DEPDC1B: variants seen among roughly 807,000 people sequenced by gnomAD.
DEPDC1B encodes the protein DEP domain-containing protein 1B.
DEPDC1B carries 51 observed loss-of-function variants against 66.5 expected under a neutral mutation model. That is an observed-to-expected ratio of 0.77 (90% CI 0.61 to 0.97). The LOEUF (loss-of-function observed/expected upper bound fraction) is 0.97, where lower values mean the gene tolerates loss of function less well. DEPDC1B is among the 50% of genes least tolerant of loss of function. The probability of loss-of-function intolerance (pLI) is 0.00; values close to 1 mark genes in which losing one functional copy is unlikely to be tolerated. For missense variants in DEPDC1B, 552 were observed against 637.1 expected, an observed-to-expected ratio of 0.87 and a Z score of 1.44; for synonymous variants, 226 against 223.6, an observed-to-expected ratio of 1.01 and a Z score of -0.10.
At chr5:60,661,002 G>C (rs988681699) in intron 2 of DEPDC1B, among the ~76,000 whole-genome samples, 5 of 152,186 alleles carry the variant, frequency 3.3e-5, no homozygotes, top group Non-Finnish European at 5.9e-5. Flanking sequence ...CAAGCTGTTT[G>C]CACTCAGCCA....
chr5:60,636,084 G>A (rs1584050800), intron 7 of DEPDC1B, among the ~76,000 whole-genome samples: 3 of 152,212 alleles, frequency 2.0e-5, no homozygotes, highest in Middle Eastern at 3.4e-3. Context: ...TCTAGGTTGG[G>A]TATGGAGTGT....
In DEPDC1B at chr5:60,656,707, C is replaced by T. The variant is rs567574995; in HGVS notation, c.315-9174G>A. On this transcript the variant is annotated intron_variant, in intron 2 of 10. Transcript: ENST00000265036. ...AAGGCAGCAGGAGAGAAAGAGCAAA[C>T]AAGAGCAGAGAAAATTGCCCTATAA... is the stretch of plus-strand genomic sequence containing the variant. Among the ~76,000 whole-genome samples the T allele has an allele frequency of 3.3e-5, 5 of 152,268 alleles. No individual in the cohort carries two copies. The South Asian group carries it at 1.0e-3, about 32-fold the overall frequency.
chr5:60,665,089 A>G (rs898109838), intron 2 of DEPDC1B, among the ~76,000 whole-genome samples: 1 of 152,174 alleles, frequency 6.6e-6, no homozygotes, highest in Non-Finnish European at 1.5e-5. Context: ...GACCCCTAGT[A>G]TGGAGTAATC....
chr5:60,652,264 T>C (rs923662461), intron 2 of DEPDC1B, among the ~76,000 whole-genome samples: 9 of 149,408 alleles, frequency 6.0e-5, no homozygotes, highest in Non-Finnish European at 1.3e-4. Context: ...AGCCCACTGA[T>C]GTCAAAAGAT....
intron 2 of DEPDC1B, among the ~76,000 whole-genome samples, chr5:60,678,060 C>A (rs1754210461): frequency 6.6e-6 from 1 of 152,154 alleles, no homozygotes; most frequent in African/African-American, 2.4e-5. Flanking sequence ...GAGTTTCTTT[C>A]ACTGGAGGTA....
At chr5:60,603,017 T>C (rs1448176367) in intron 9 of DEPDC1B, among the ~76,000 whole-genome samples, 3 of 152,226 alleles carry the variant, frequency 2.0e-5, no homozygotes, top group African/African-American at 7.2e-5. Flanking sequence ...TTAAGTTCTT[T>C]GTGCCTTAGC....
intron 7 of DEPDC1B, among the ~76,000 whole-genome samples, chr5:60,636,627 G>A (rs539030040): frequency 2.0e-5 from 3 of 152,080 alleles, no homozygotes; most frequent in African/African-American, 4.8e-5. Context: ...GGATTGCTAT[G>A]TTAGATACTT....
intron 2 of DEPDC1B, among the ~76,000 whole-genome samples, chr5:60,656,830 C>T (rs1369018259): frequency 1.3e-5 from 2 of 152,164 alleles, no homozygotes; most frequent in African/African-American, 4.8e-5. Flanking sequence ...TCCCTCAACA[C>T]ATGGGGATTG....
At chr5:60,695,980 G>C (rs949082153) in intron 1 of DEPDC1B, among the ~76,000 whole-genome samples, 9 of 152,032 alleles carry the variant, frequency 5.9e-5, no homozygotes, top group African/African-American at 1.9e-4. Context: ...TGTATTTTTA[G>C]TTGAGACGGG....
At chr5:60,619,905 G>A (rs1020310594) in intron 7 of DEPDC1B, among the ~76,000 whole-genome samples, 5 of 152,186 alleles carry the variant, frequency 3.3e-5, no homozygotes, top group African/African-American at 1.2e-4. Context: ...CAAGGCTACA[G>A]TCACCAAAAC....
In DEPDC1B at chr5:60,691,966, T is replaced by C. The variant is rs1158648299; in HGVS notation, c.49-4739A>G. 9.9e-5 allele frequency among the ~76,000 whole-genome samples: 15 copies of C among 152,160 alleles called. No individual in the cohort carries two copies. In the East Asian group the frequency reaches 2.1e-3, roughly 22 times the overall value. On this transcript the variant is annotated intron_variant, in intron 1 of 10. Coordinates refer to ENST00000265036, the MANE Select transcript of DEPDC1B (RefSeq NM_018369.3). ...TCAACAGATAAATGAATAAAGAAAA[T>C]GTGGTATACATATACAATATAATAC...
intron 2 of DEPDC1B, among the ~76,000 whole-genome samples, chr5:60,658,710 A>T (rs1753635849): frequency 6.6e-6 from 1 of 152,210 alleles, no homozygotes; most frequent in Non-Finnish European, 1.5e-5. Flanking sequence ...AGGGGGAGGG[A>T]CAATGATCAG....
chr5:60,663,533 C>A (rs990693229), intron 2 of DEPDC1B, among the ~76,000 whole-genome samples: 6 of 152,184 alleles, frequency 3.9e-5, no homozygotes, highest in Non-Finnish European at 7.3e-5. Flanking sequence ...CTTAAGGATA[C>A]CTTTTTCTGC....
chr5:60,683,870 C>T (rs1362955226), intron 2 of DEPDC1B, among the ~76,000 whole-genome samples: 1 of 151,946 alleles, frequency 6.6e-6, no homozygotes, highest in Non-Finnish European at 1.5e-5. Flanking sequence ...CCTAAGATGC[C>T]ACTAAAAAAT....
chr5:60,662,294 G>A (rs1276930660), intron 2 of DEPDC1B, among the ~76,000 whole-genome samples: 1 of 152,078 alleles, frequency 6.6e-6, no homozygotes, highest in Admixed American at 6.5e-5. Context: ...AGGCTGAGGC[G>A]GGAGAATGGC....
chr5:60,638,758 C>G lies in DEPDC1B; in HGVS notation c.890G>C (p.Ser297Thr). ...LTFHLFDAFV[S>T]VLGLLQKEKV... ...ATTATATTCCAACTTACCCAGTACACTGACAAAAGCATCAAAAAGATGAAA... is the reference window on the plus strand; with the variant it reads ...ATTATATTCCAACTTACCCAGTACAGTGACAAAAGCATCAAAAAGATGAAA... Residue 297 changes from serine (S) to threonine (T), a missense_variant, in exon 7 of 11, where the codon AGT becomes ACT. Physicochemically the swap from Ser to Thr is moderately conservative, Grantham distance 58. Transcript: ENST00000265036. 6.2e-7 allele frequency: 1 copy of G among 1,609,428 alleles called. No homozygotes were observed. The highest frequency in any genetic ancestry group is 8.5e-7 in the Non-Finnish European group (1 of 1,178,278).
chr5:60,677,946 T>TA (rs1561389416), intron 2 of DEPDC1B, among the ~76,000 whole-genome samples: 1 of 152,088 alleles, frequency 6.6e-6, no homozygotes, highest in Non-Finnish European at 1.5e-5. Context: ...AAAGGTGAGG[T>TA]ATCTAAAACG....
chr5:60,693,184 A>G (rs1206301677), intron 1 of DEPDC1B, among the ~76,000 whole-genome samples: 1 of 152,170 alleles, frequency 6.6e-6, no homozygotes, highest in East Asian at 1.9e-4. Flanking sequence ...AAACACATAC[A>G]TACACATATG....
At chr5:60,608,914 G>T (rs1752364005) in intron 7 of DEPDC1B, among the ~76,000 whole-genome samples, 1 of 152,018 alleles carries the variant, frequency 6.6e-6, no homozygotes, top group Non-Finnish European at 1.5e-5. Flanking sequence ...CTTAAGACCA[G>T]CCTGGACAAC....
Sources: allele counts gnomAD v4.1 joint callset (sites outside exome capture counted in the v4.1 genomes callset), GRCh38; gene constraint gnomAD v4.1.1; transcripts MANE v1.5; gene names NCBI Gene and HGNC (gene_info 2026-07-23, HGNC 2026-07-21).